Variants in MARK3 observed in about 807,000 individuals in gnomAD.
MARK3 encodes MAP/microtubule affinity-regulating kinase 3.
MARK3 carries 46 observed loss-of-function variants against 90.1 expected under a neutral mutation model. The ratio of observed to expected loss-of-function variants is 0.51; its 90% confidence interval spans 0.40 to 0.65. MARK3 has a LOEUF of 0.65. Ranked by LOEUF, MARK3 falls within the 30% of genes least tolerant of loss-of-function variation. MARK3 has a pLI of 0.00. For missense variants in MARK3, 818 were observed against 947.2 expected (o/e 0.86, Z 1.79); for synonymous variants, 321 against 332.6 (o/e 0.97, Z 0.38).
intron 14 of MARK3, chr14:103,489,265 A>G (rs928371762): frequency 2.0e-5 from 3 of 152,280 alleles, no homozygotes; most frequent in Non-Finnish European, 4.4e-5. Context: ...TGCCTGACCA[A>G]TGGACCACAC....
chr14:103,496,879 A>G (rs1425962177), intron 15 of MARK3, among the ~76,000 whole-genome samples: 1 of 152,000 alleles, frequency 6.6e-6, no homozygotes, highest in East Asian at 1.9e-4. Context: ...CATCTCTACA[A>G]AAACATTTTT....
rs959361800 is a variant in MARK3 at position 103,485,296 on chromosome 14, A to C, written c.1586+4806A>C. On this transcript the variant is annotated intron_variant, in intron 14 of 17. Coordinates refer to ENST00000429436, the MANE Select transcript of MARK3 (RefSeq NM_001128918.3). ...TTTTTTAAGATGGATGGAGTCTTGC[A>C]GTGTGGCCCAGGCTGCAGTACAGTG... is the stretch of plus-strand genomic sequence containing the variant. Among the ~76,000 whole-genome samples the C allele has an allele frequency of 3.0e-5, 4 of 131,700 alleles. 1 individual carries two copies. In the Admixed American group the frequency reaches 3.5e-4, roughly 11 times the overall value. The allele number at this position is 131,700 out of a possible 152,430, so 86.4% of individuals were successfully genotyped here.
In MARK3 at chr14:103,468,150, T is replaced by C; in HGVS notation, c.1228T>C (p.Ser410Pro). 4 of 1,613,894 alleles carry C rather than the reference T, an allele frequency of 2.5e-6. No individual in the cohort carries two copies. The highest frequency in any genetic ancestry group is 3.4e-6 in the Non-Finnish European group (4 of 1,179,944). The change falls in exon 12 of 18, where the codon TCT (serine) becomes CCT (proline). Residue 410 changes from serine to proline, a missense_variant. Physicochemically the swap from Ser to Pro is moderately conservative, Grantham distance 74. Around this residue, in one of 3 missense-constraint regions of MARK3, gnomAD observed 560 missense variants for 613.5 expected, o/e 0.91. Transcript: ENST00000429436. ...SPHHKVQRSVSSSQKQRRYSD... is the reference protein window; with the variant it reads ...SPHHKVQRSVPSSQKQRRYSD... ...TCACCACAAAGTGCAGAGAAGTGTTTCTTCAAGCCAAAAGCAAAGACGCTA... is the reference window on the plus strand; with the variant it reads ...TCACCACAAAGTGCAGAGAAGTGTTCCTTCAAGCCAAAAGCAAAGACGCTA...
At chr14:103,397,581 T>C (rs1342059936) in intron 1 of MARK3, among the ~76,000 whole-genome samples, 1 of 152,144 alleles carries the variant, frequency 6.6e-6, no homozygotes, top group East Asian at 1.9e-4. Flanking sequence ...TGCCTCAGCC[T>C]CCTAAAGTGC....
At position 103,475,165 on chromosome 14, in the gene MARK3, T is replaced by C; in HGVS notation, c.1437T>C (p.Asn479=). The change falls in exon 13 of 18, where the codon AAT becomes AAC. Residue 479 remains asparagine (N), a synonymous_variant. Coordinates refer to ENST00000429436, the MANE Select transcript of MARK3 (RefSeq NM_001128918.3). ...SPMLGNASNP[N]KADIPERKKS... is the part of the protein sequence containing the mutation. ...TGCTTGGGAATGCAAGTAATCCTAA[T>C]AAGGCGGATATTCCTGAACGCAAGA... 6.2e-7 allele frequency: 1 copy of C among 1,614,008 alleles called. No homozygotes were observed. Among genetic ancestry groups the C allele is most frequent in the South Asian group, 1.1e-5 (1 of 91,070 alleles).
intron 12 of MARK3, among the ~76,000 whole-genome samples, chr14:103,469,594 T>A (rs961443778): frequency 1.3e-5 from 2 of 151,878 alleles, no homozygotes; most frequent in African/African-American, 4.8e-5. Flanking sequence ...GCTGGGACTA[T>A]AGGCACACAC....
chr14:103,404,650 A>G (rs1175042450), intron 1 of MARK3, among the ~76,000 whole-genome samples: 2 of 152,190 alleles, frequency 1.3e-5, no homozygotes, highest in East Asian at 1.9e-4. Flanking sequence ...CAGATTCTCT[A>G]TGGATTTCCC....
At chr14:103,435,061 G>A (rs1282691671) in intron 3 of MARK3, among the ~76,000 whole-genome samples, 2 of 152,192 alleles carry the variant, frequency 1.3e-5, no homozygotes, top group East Asian at 1.9e-4. Context: ...GTCATGGGAT[G>A]TAGCAGGGAA....
At chr14:103,472,867 A>T (rs1410736640) in intron 12 of MARK3, among the ~76,000 whole-genome samples, 1 of 150,564 alleles carries the variant, frequency 6.6e-6, no homozygotes, top group Non-Finnish European at 1.5e-5. Flanking sequence ...TTAGCCGGGC[A>T]TGGTGGCAGG....
At chr14:103,458,454 CA>C (rs36020485) in intron 6 of MARK3, among the ~76,000 whole-genome samples, 1 of 30,776 alleles carries the variant, frequency 3.2e-5, no homozygotes, top group African/African-American at 1.2e-4. Context: ...GACTCCATCT[CA>C]AAAAAAAAAA....
chr14:103,491,919 T>C lies in MARK3; in HGVS notation c.1729T>C (p.Tyr577His). The C allele has an allele frequency of 6.2e-7, 1 of 1,614,100 alleles. No individual in the cohort carries two copies. Among genetic ancestry groups the C allele is most frequent in the Non-Finnish European group, 8.5e-7 (1 of 1,180,014 alleles). The stretch of plus-strand genomic sequence containing the variant: ...GCCCCGGGAACGGCGAACCGCAACA[T>C]ATAATGGCCCTCCTGCCTCTCCCAG... Reference protein sequence around the residue: ...GQPRERRTATYNGPPASPSLS... With the variant: ...GQPRERRTATHNGPPASPSLS... Residue 577 changes from tyrosine to histidine, a missense_variant, in exon 15 of 18, where the codon TAT becomes CAT. Physicochemically the swap from Tyr to His is moderately conservative, Grantham distance 83. This residue lies in a region of MARK3 where 560 missense variants were observed against 613.5 expected (regional missense o/e 0.91). Transcript: ENST00000429436.
At chr14:103,415,231 C>T (rs1352352985) in intron 2 of MARK3, among the ~76,000 whole-genome samples, 1 of 122,670 alleles carries the variant, frequency 8.2e-6, no homozygotes, top group Non-Finnish European at 1.7e-5. Context: ...ATTTAACAAA[C>T]ATGTTGGAAT....
At chr14:103,400,988 GGTT>G (rs976345301) in intron 1 of MARK3, among the ~76,000 whole-genome samples, 13 of 108,494 alleles carry the variant, frequency 1.2e-4, no homozygotes, top group East Asian at 3.7e-4. Flanking sequence ...TGTGTATGCA[GGTT>G]GTTTATTGGC....
chr14:103,489,462 GTT>G (rs1439160349), intron 14 of MARK3: 1 of 152,312 alleles, frequency 6.6e-6, no homozygotes, highest in African/African-American at 2.4e-5. Context: ...ACAAGATCTG[GTT>G]TATATGTTAA....
At chr14:103,450,165 A>G (rs2093097798) in intron 4 of MARK3, among the ~76,000 whole-genome samples, 2 of 152,218 alleles carry the variant, frequency 1.3e-5, no homozygotes, top group Admixed American at 1.3e-4. Context: ...AAAAAAATTT[A>G]GAATCAATAA....
intron 3 of MARK3, among the ~76,000 whole-genome samples, chr14:103,438,664 G>T (rs2092775324): frequency 6.6e-6 from 1 of 151,898 alleles, no homozygotes; most frequent in South Asian, 2.1e-4. Flanking sequence ...GAGATGGGAA[G>T]ATTCTTAGTT....
rs71126030 is a variant in MARK3 at position 103,481,757 on chromosome 14, C to CTTTTTTTTTTTTTTT, written c.1586+1280_1586+1294dup. Among the ~76,000 whole-genome samples the CTTTTTTTTTTTTTTT allele has an allele frequency of 1.7e-3, 85 of 49,802 alleles. 19 individuals are homozygous for CTTTTTTTTTTTTTTT. The highest frequency in any genetic ancestry group is 3.1e-3 in the African/African-American group (36 of 11,528). The allele number at this position is 49,802 out of a possible 152,430, so 32.7% of individuals were successfully genotyped here. ...CAGATAATGATTGATATAGGTATTT[C>CTTTTTTTTTTTTTTT]TTTTTTTTTTTTTTTTTTTTTTTTT... On this transcript the variant is annotated intron_variant, in intron 14 of 17. Transcript: ENST00000429436.
At chr14:103,474,482 T>TCTACACCTTCCCCTGTCTGCTCAA (rs1555397869) in intron 12 of MARK3, among the ~76,000 whole-genome samples, 1 of 151,454 alleles carries the variant, frequency 6.6e-6, no homozygotes, top group Non-Finnish European at 1.5e-5. Context: ...TTCCTCTGCT[T>TCTACACCTTCCCCTGTCTGCTCAA]CTACACCTTC....
At chr14:103,428,939 GT>G (rs1334314004) in intron 3 of MARK3, among the ~76,000 whole-genome samples, 2 of 152,182 alleles carry the variant, frequency 1.3e-5, no homozygotes, top group Non-Finnish European at 2.9e-5. Context: ...GGAAAAGCAT[GT>G]TCATAAAGCA....
Sources: allele counts gnomAD v4.1 joint callset (sites outside exome capture counted in the v4.1 genomes callset), GRCh38; gene constraint gnomAD v4.1.1; regional missense constraint gnomAD v4.1.1; transcripts MANE v1.5; gene names NCBI Gene and HGNC (gene_info 2026-07-23, HGNC 2026-07-21).